Variants in DNAH9 observed in about 807,000 individuals in gnomAD.
DNAH9 encodes the protein dynein axonemal heavy chain 9, also known as DNAH9 variant protein.
In DNAH9, 345 loss-of-function variants were observed where a neutral mutation model predicts 471.6. That is an observed-to-expected ratio of 0.73 (90% confidence interval 0.67 to 0.80). DNAH9 has a LOEUF of 0.80. Among genes scored for constraint, DNAH9 ranks in the 30% least tolerant of loss-of-function variants. The pLI is 0.00. For synonymous variants in DNAH9, 2,093 were observed against 2,123.6 expected (o/e 0.99, Z 0.40); for missense variants, 5,407 against 5,609.2 (o/e 0.96, Z 1.15).
intron 58 of DNAH9, among the ~76,000 whole-genome samples, chr17:11,894,091 C>T (rs1178991830): frequency 1.3e-5 from 2 of 152,120 alleles, no homozygotes; most frequent in Non-Finnish European, 2.9e-5. Flanking sequence ...GAAACATACT[C>T]CATGGCATTT....
chr17:11,615,690 T>TTTCTTG (rs1278068997), intron 4 of DNAH9, among the ~76,000 whole-genome samples: 1 of 152,178 alleles, frequency 6.6e-6, no homozygotes, highest in Non-Finnish European at 1.5e-5. Context: ...GGCCAACCCT[T>TTTCTTG]TTCTCAAGTA....
rs575932840 is a variant in DNAH9 at position 11,885,356 on chromosome 17, G to A, written c.10972-1469G>A. On this transcript the variant is annotated intron_variant, in intron 56 of 68. Transcript: ENST00000262442. ...AGCTGGAAGTGGTCACTGGCAATAA[G>A]GCATGAAAGGTGGCCTGAGTTTCCG... Among the ~76,000 whole-genome samples the A allele has an allele frequency of 2.6e-4, 39 of 152,324 alleles. 1 individual carries two copies. Among genetic ancestry groups the A allele is most frequent in the African/African-American group, 9.1e-4 (38 of 41,572 alleles).
intron 6 of DNAH9, among the ~76,000 whole-genome samples, chr17:11,622,771 C>G (rs1241813948): frequency 6.6e-6 from 1 of 152,156 alleles, no homozygotes; most frequent in Non-Finnish European, 1.5e-5. Flanking sequence ...AGTCCTTTCT[C>G]AGGCTGCTGC....
chr17:11,704,526 A>G (rs948564612), intron 25 of DNAH9, 84 bp downstream of exon 25: 123 of 1,449,554 alleles, frequency 8.5e-5, no homozygotes, highest in Non-Finnish European at 1.1e-4. Context: ...TGGGGGCCCC[A>G]GGGTCTGTAC....
At chr17:11,673,748 A>G (rs2074007738) in intron 17 of DNAH9, among the ~76,000 whole-genome samples, 1 of 152,168 alleles carries the variant, frequency 6.6e-6, no homozygotes, top group African/African-American at 2.4e-5. Context: ...AACATTGGCT[A>G]TATTTTAAAG....
At chr17:11,710,213 ACT>A (rs1435693063) in intron 26 of DNAH9, among the ~76,000 whole-genome samples, 8 of 152,210 alleles carry the variant, frequency 5.3e-5, no homozygotes, top group South Asian at 2.1e-4. Context: ...TTTCTAAAAC[ACT>A]CTAATGGCTG....
At chr17:11,757,915 T>C (rs568899181) in intron 35 of DNAH9, among the ~76,000 whole-genome samples, 30 of 152,274 alleles carry the variant, frequency 2.0e-4, no homozygotes, top group African/African-American at 7.2e-4. Flanking sequence ...GGGAGGAAGA[T>C]TGAAAGTCCC....
chr17:11,966,320 G>A (rs953219182), intron 68 of DNAH9, among the ~76,000 whole-genome samples: 1 of 152,190 alleles, frequency 6.6e-6, no homozygotes, highest in Non-Finnish European at 1.5e-5. Context: ...TCAAAATGCT[G>A]AAAGAAAAAG....
chr17:11,763,755 T>G (rs569813102), intron 36 of DNAH9, 141 bp downstream of exon 36: 81 of 805,858 alleles, frequency 1.0e-4, no homozygotes, highest in Non-Finnish European at 1.3e-4. Context: ...ATCTACCTAT[T>G]ACTCTGCTAA....
intron 26 of DNAH9, among the ~76,000 whole-genome samples, chr17:11,708,014 C>CACAGAGAG (rs1695492180): frequency 1.9e-5 from 1 of 52,152 alleles, no homozygotes; most frequent in African/African-American, 7.2e-5. Context: ...CACACACACA[C>CACAGAGAG]AGAGAGAGAG....
chr17:11,812,657 C>G (rs1321722420), intron 45 of DNAH9, among the ~76,000 whole-genome samples: 1 of 152,072 alleles, frequency 6.6e-6, no homozygotes, highest in Non-Finnish European at 1.5e-5. Flanking sequence ...GTGCTGGCTG[C>G]TAGCCTTGCA....
At chr17:11,636,026 T>G (rs1055139638) in intron 8 of DNAH9, among the ~76,000 whole-genome samples, 7 of 151,976 alleles carry the variant, frequency 4.6e-5, no homozygotes, top group Non-Finnish European at 1.0e-4. Flanking sequence ...TTTGACAGAG[T>G]CTCACTCTGT....
intron 4 of DNAH9, among the ~76,000 whole-genome samples, chr17:11,612,997 T>C (rs1388121024): frequency 6.6e-6 from 1 of 152,200 alleles, no homozygotes; most frequent in East Asian, 1.9e-4. Flanking sequence ...GGCATGGAGT[T>C]TGCAAACATC....
chr17:11,933,324 C>T (rs1239187592), intron 64 of DNAH9, among the ~76,000 whole-genome samples: 3 of 151,814 alleles, frequency 2.0e-5, no homozygotes, highest in African/African-American at 4.8e-5. Context: ...ATATATGGGG[C>T]GTGGGGTTGG....
At chr17:11,735,950 C>T (rs1481506366) in intron 28 of DNAH9, among the ~76,000 whole-genome samples, 2 of 152,196 alleles carry the variant, frequency 1.3e-5, no homozygotes, top group African/African-American at 4.8e-5. Flanking sequence ...GGCTTTTAAG[C>T]TTGAGCTGCT....
rs771217388 is a variant in DNAH9 at position 11,937,537 on chromosome 17, G to A, written c.12660+15G>A. Reference sequence around the variant, plus strand: ...GAGAAGAAAAGGTGTGTGTGGTGGGGACTGCCTGAGGTCGTTCTGGGGGAC... The same window carrying A: ...GAGAAGAAAAGGTGTGTGTGGTGGGAACTGCCTGAGGTCGTTCTGGGGGAC... On this transcript the variant is annotated intron_variant, in intron 66 of 68. Coordinates refer to ENST00000262442, the MANE Select transcript of DNAH9 (RefSeq NM_001372.4). The surrounding 1 kb of genome is among the most constrained non-coding windows in gnomAD (Gnocchi z 4.1). 1.2e-6 allele frequency: 2 copies of A among 1,600,232 alleles called. No individual in the cohort carries two copies. Among genetic ancestry groups the A allele is most frequent in the Non-Finnish European group, 1.7e-6 (2 of 1,171,870 alleles).
intron 49 of DNAH9, among the ~76,000 whole-genome samples, chr17:11,836,512 G>A (rs1198789626): frequency 6.6e-6 from 1 of 152,094 alleles, no homozygotes; most frequent in African/African-American, 2.4e-5. Context: ...ATATCATTGG[G>A]TAGGCCAGGA....
At chr17:11,774,040 G>A (rs1487329049) in intron 38 of DNAH9, among the ~76,000 whole-genome samples, 1 of 152,134 alleles carries the variant, frequency 6.6e-6, no homozygotes, top group African/African-American at 2.4e-5. Flanking sequence ...GGAGGCTGAG[G>A]CAGGAGAATC....
intron 41 of DNAH9, among the ~76,000 whole-genome samples, chr17:11,790,772 T>G (rs1969035440): frequency 1.3e-5 from 2 of 152,088 alleles, no homozygotes; most frequent in African/African-American, 2.4e-5. Context: ...TAATCGTATG[T>G]TTTTATAATT....
Sources: gnomAD v4.1 joint callset for allele counts (sites outside exome capture counted in the v4.1 genomes callset) on GRCh38, gnomAD v4.1.1 for gene constraint, Gnocchi (gnomAD v3.1) non-coding constraint, MANE v1.5 for transcripts, NCBI Gene and HGNC (gene_info 2026-07-23, HGNC 2026-07-21) for gene names.